GLIS3: variants seen among roughly 807,000 people sequenced by gnomAD.
The protein encoded by GLIS3 is zinc finger protein GLIS3.
A neutral mutation model predicts 78.6 loss-of-function variants in GLIS3; 53 were observed. The observed-to-expected ratio is 0.67, with a 90% confidence interval of 0.54 to 0.85. The LOEUF (loss-of-function observed/expected upper bound fraction) is 0.85. Among genes scored for constraint, GLIS3 ranks in the 40% least tolerant of loss-of-function variants. GLIS3 has a pLI of 0.00. For missense variants in GLIS3, 1,703 were observed against 1,231.1 expected, an observed-to-expected ratio of 1.38 and a Z score of -5.74; for synonymous variants, 684 against 509.9, an observed-to-expected ratio of 1.34 and a Z score of -4.60.
chr9:4,147,553 G>A (rs1044430492), intron 2 of GLIS3: 2 of 152,188 alleles, frequency 1.3e-5, no homozygotes, highest in Non-Finnish European at 2.9e-5. Context: ...CTTGCTCTTT[G>A]GTTTTATAAA....
At chr9:3,988,554 A>G (rs767231122) in intron 4 of GLIS3, among the ~76,000 whole-genome samples, 1 of 152,212 alleles carries the variant, frequency 6.6e-6, no homozygotes, top group Non-Finnish European at 1.5e-5. Context: ...GTATTGATGA[A>G]TTAATACATA....
chr9:4,287,003 C>T (rs1420440250), intron 1 of GLIS3, among the ~76,000 whole-genome samples: 2 of 152,202 alleles, frequency 1.3e-5, no homozygotes, highest in Non-Finnish European at 2.9e-5. Flanking sequence ...CTCTGATTTT[C>T]ACTTTAAGAG....
chr9:4,480,683 G>A, the GLIS3 span, among the ~76,000 whole-genome samples: 4 of 151,936 alleles, frequency 2.6e-5, no homozygotes, highest in Non-Finnish European at 5.9e-5. Context: ...GGGGCAAAAA[G>A]CATGTGCTCA....
intron 2 of GLIS3, among the ~76,000 whole-genome samples, chr9:4,162,672 C>G (rs544922967): frequency 6.6e-6 from 1 of 151,742 alleles, no homozygotes; most frequent in Non-Finnish European, 1.5e-5. Flanking sequence ...CTGGCTAACA[C>G]GGTGAAATCC....
chr9:4,297,527 ACT>A (rs1816650904), intron 1 of GLIS3, among the ~76,000 whole-genome samples: 1 of 151,918 alleles, frequency 6.6e-6, no homozygotes, highest in African/African-American at 2.4e-5. Flanking sequence ...TGGGGCCCCA[ACT>A]CTCGGGAGAT....
At chr9:4,084,797 G>C (rs948714737) in intron 4 of GLIS3, among the ~76,000 whole-genome samples, 2 of 152,038 alleles carry the variant, frequency 1.3e-5, no homozygotes, top group Non-Finnish European at 1.5e-5. Context: ...GCTGTTTCTA[G>C]AACACCACGT....
chr9:3,929,904 A>T (rs1825507722), intron 6 of GLIS3, among the ~76,000 whole-genome samples: 1 of 152,158 alleles, frequency 6.6e-6, no homozygotes, highest in South Asian at 2.1e-4. Context: ...GCTGCCAGGA[A>T]ATATTTCAAA....
Position 4,244,533 on chromosome 9 carries a change from G to C in GLIS3, c.388+41505C>G, listed in dbSNP as rs370711885. Among the ~76,000 whole-genome samples the C allele has an allele frequency of 8.5e-5, 13 of 152,226 alleles. No homozygotes were observed. The South Asian group carries it at 2.5e-3, about 29-fold the overall frequency. On this transcript the variant is annotated intron_variant, in intron 2 of 10. Transcript: ENST00000381971. The stretch of plus-strand genomic sequence containing the variant: ...GAACTGCTTTTTTAAAACTGCTGCT[G>C]AATCAGATGTGAGGTAGATATCTGT...
chr9:3,837,902 G>C (rs1225405603), intron 9 of GLIS3, among the ~76,000 whole-genome samples: 2 of 151,722 alleles, frequency 1.3e-5, no homozygotes, highest in Non-Finnish European at 2.9e-5. Context: ...TGTGGACTTT[G>C]AGTGAAACTG....
rs543228200 is a variant in GLIS3 at position 3,976,701 on chromosome 9, G to A, written c.1711-39512C>T. ...GAAGTGAAGAATAAGCTTCAAATAG[G>A]ACACACCCATTTACTTGCATCTCAC... On this transcript the variant is annotated intron_variant, in intron 4 of 10. Transcript: ENST00000381971. Among the ~76,000 whole-genome samples the A allele has an allele frequency of 4.1e-5, 6 of 145,812 alleles. No individual in the cohort carries two copies. The South Asian group carries it at 1.3e-3, about 32-fold the overall frequency.
At chr9:4,115,089 C>A (rs894050000) in intron 4 of GLIS3, among the ~76,000 whole-genome samples, 6 of 152,160 alleles carry the variant, frequency 3.9e-5, no homozygotes, top group Non-Finnish European at 7.3e-5. Context: ...GTAGCCCTCT[C>A]ACACACCCCT....
At chr9:4,254,599 G>A (rs2129921724) in intron 2 of GLIS3, among the ~76,000 whole-genome samples, 1 of 152,278 alleles carries the variant, frequency 6.6e-6, no homozygotes, top group African/African-American at 2.4e-5. Flanking sequence ...CAGCACTTTG[G>A]GAGGCTGAGG....
At chr9:4,236,302 A>C (rs1354220802) in intron 2 of GLIS3, among the ~76,000 whole-genome samples, 1 of 152,206 alleles carries the variant, frequency 6.6e-6, no homozygotes, top group Non-Finnish European at 1.5e-5. Context: ...CTCATGCCCT[A>C]AACATGTTTG....
At chr9:4,358,180 C>T in the GLIS3 span, among the ~76,000 whole-genome samples, 2 of 152,060 alleles carry the variant, frequency 1.3e-5, no homozygotes, top group African/African-American at 4.8e-5. Flanking sequence ...AGAAAATTTC[C>T]AGAAGGCTGC....
At chr9:4,139,907 C>A (rs1265574102) in intron 2 of GLIS3, among the ~76,000 whole-genome samples, 1 of 152,182 alleles carries the variant, frequency 6.6e-6, no homozygotes, top group Non-Finnish European at 1.5e-5. Context: ...AGGCCACTGA[C>A]CCATACAGGT....
chr9:4,282,120 C>A (rs1306393254), intron 2 of GLIS3, among the ~76,000 whole-genome samples: 1 of 152,202 alleles, frequency 6.6e-6, no homozygotes, highest in Non-Finnish European at 1.5e-5. Flanking sequence ...AATTCTTAGG[C>A]AACTTAACCT....
At chr9:3,923,250 G>A (rs540005288) in intron 6 of GLIS3, among the ~76,000 whole-genome samples, 1 of 152,276 alleles carries the variant, frequency 6.6e-6, no homozygotes, top group African/African-American at 2.4e-5. Context: ...CACTGTATAT[G>A]TTTAACACCT....
At chr9:3,865,406 T>C (rs1244237658) in intron 8 of GLIS3, among the ~76,000 whole-genome samples, 2 of 152,220 alleles carry the variant, frequency 1.3e-5, no homozygotes, top group Admixed American at 6.5e-5. Context: ...GACCAGCCTA[T>C]TCTATGTCAG....
At chr9:4,268,979 C>G (rs1423104484) in intron 2 of GLIS3, among the ~76,000 whole-genome samples, 2 of 152,220 alleles carry the variant, frequency 1.3e-5, no homozygotes, top group African/African-American at 4.8e-5. Context: ...TTTAACAAAG[C>G]TCTGGTATTA....
Sources: gnomAD v4.1 joint callset for allele counts (sites outside exome capture counted in the v4.1 genomes callset) on GRCh38, gnomAD v4.1.1 for gene constraint, MANE v1.5 for transcripts, NCBI Gene and HGNC (gene_info 2026-07-23, HGNC 2026-07-21) for gene names.